Variants in LRRC61 observed in about 807,000 individuals in gnomAD.
The protein encoded by LRRC61 is leucine rich repeat containing 61, also known as leucine-rich repeat-containing protein 61.
Under a neutral mutation model 15.1 loss-of-function variants are expected in LRRC61, and 9 were observed. The observed-to-expected ratio is 0.60, with a 90% CI of 0.36 to 1.04. LRRC61 has a LOEUF of 1.04. Among genes scored for constraint, LRRC61 ranks in the 50% least tolerant of loss-of-function variants. The pLI is 0.01. For synonymous variants in LRRC61, 173 were observed against 158.6 expected (o/e 1.09, Z -0.68); for missense variants, 344 against 335.6 (o/e 1.03, Z -0.20).
chr7:150,319,830 C>T (rs890163082), upstream of LRRC61, among the ~76,000 whole-genome samples: 2 of 152,130 alleles, frequency 1.3e-5, no homozygotes, highest in African/African-American at 4.8e-5. Flanking sequence ...AACAGGGATG[C>T]TGTATCTGGA....
At chr7:150,322,539 T>C (rs2108852), upstream of LRRC61, 38,569 of 151,920 alleles carry the variant, frequency 0.25, 5,062 homozygotes, top group East Asian at 0.42. Flanking sequence ...CATGAAATAC[T>C]CTATATGGTC....
the LRRC61 span, among the ~76,000 whole-genome samples, chr7:150,313,640 G>T: frequency 4.4e-4 from 67 of 152,298 alleles, no homozygotes; most frequent in African/African-American, 1.5e-3. Flanking sequence ...GTCTGAACCA[G>T]TTTTTTTCAC....
At chr7:150,334,177 A>G in intron 2 of LRRC61, 1 of 942,710 alleles carries the variant, frequency 1.1e-6, no homozygotes, top group Non-Finnish European at 1.3e-6. Flanking sequence ...CTAAAAAGCC[A>G]CTGACCCAGT....
At chr7:150,313,742 A>G in the LRRC61 span, among the ~76,000 whole-genome samples, 1 of 152,148 alleles carries the variant, frequency 6.6e-6, no homozygotes, top group Non-Finnish European at 1.5e-5. Context: ...TTAGCTAGAA[A>G]GAGGGAGAGA....
At position 150,333,733 on chromosome 7, in the gene LRRC61, C is replaced by T. The variant is rs576968740; in HGVS notation, c.-144-2985C>T. Among the ~76,000 whole-genome samples, 1 of 152,324 alleles carries T rather than the reference C, an allele frequency of 6.6e-6. No individual in the cohort carries two copies. Among genetic ancestry groups the T allele is most frequent in the East Asian group, 1.9e-4 (1 of 5,184 alleles). On this transcript the variant is annotated intron_variant, in intron 2 of 2. Coordinates refer to ENST00000359623, the MANE Select transcript of LRRC61 (RefSeq NM_001142928.2). This position sits in a 1 kb window ranked among gnomAD's most constrained non-coding sequence, Gnocchi z 4.3. Reference sequence around the variant, plus strand: ...ATTTCCATAGTTAGGACAAGGACGGCTCCTTCTGGAGGAGTGCTGAAGCAG... The same window carrying T: ...ATTTCCATAGTTAGGACAAGGACGGTTCCTTCTGGAGGAGTGCTGAAGCAG...
upstream of LRRC61, among the ~76,000 whole-genome samples, chr7:150,319,355 G>A (rs1389954182): frequency 6.6e-6 from 1 of 152,128 alleles, no homozygotes; most frequent in Non-Finnish European, 1.5e-5. Context: ...TTACAGGCAT[G>A]CACCACCATG....
At chr7:150,316,735 C>T in the LRRC61 span, among the ~76,000 whole-genome samples, 2 of 152,110 alleles carry the variant, frequency 1.3e-5, no homozygotes, top group African/African-American at 4.8e-5. Context: ...CTGCCCACTT[C>T]GGCCTTCCGA....
intron 1 of LRRC61, among the ~76,000 whole-genome samples, chr7:150,324,990 G>C (rs552291353): frequency 2.6e-5 from 4 of 152,148 alleles, no homozygotes; most frequent in Non-Finnish European, 5.9e-5. Flanking sequence ...TCACCTTTGA[G>C]ATCTGCTCAT....
upstream of LRRC61, among the ~76,000 whole-genome samples, chr7:150,321,332 T>G (rs1286540834): frequency 6.6e-6 from 1 of 152,252 alleles, no homozygotes; most frequent in Non-Finnish European, 1.5e-5. Context: ...ATAATTTTTC[T>G]TTTAGTGCCA....
intron 2 of LRRC61, chr7:150,331,001 T>G: frequency 6.2e-7 from 1 of 1,611,742 alleles, no homozygotes; most frequent in East Asian, 2.2e-5. Flanking sequence ...TCAAGAAGTA[T>G]CTGTGGGAGA....
intron 2 of LRRC61, among the ~76,000 whole-genome samples, chr7:150,326,608 CA>C (rs1318669492): frequency 2.6e-5 from 4 of 151,006 alleles, no homozygotes; most frequent in Non-Finnish European, 5.9e-5. Flanking sequence ...TACTTGAGCC[CA>C]GGAGGCAGAG....
At chr7:150,322,720 T>G (rs930052153), upstream of LRRC61, 1 of 152,250 alleles carries the variant, frequency 6.6e-6, no homozygotes. Flanking sequence ...TTCTTTGCTT[T>G]CTTAATAAAC....
chr7:150,328,298 T>C (rs976768061), intron 2 of LRRC61, among the ~76,000 whole-genome samples: 2 of 152,248 alleles, frequency 1.3e-5, no homozygotes, highest in Admixed American at 6.5e-5. Context: ...CCCAAACTCA[T>C]GTTTTACATC....
At chr7:150,319,608 A>T (rs11983355), upstream of LRRC61, among the ~76,000 whole-genome samples, 1 of 152,050 alleles carries the variant, frequency 6.6e-6, no homozygotes, top group African/African-American at 2.4e-5. Context: ...GGTGCCTTTG[A>T]CTTTGGGAAG....
chr7:150,337,656 C>A lies in LRRC61; in HGVS notation c.*15C>A, dbSNP rs1014677966. Reference sequence around the variant, plus strand: ...TCGTCTTCTGAACGTGGCCTATGGCCCAGGACAGCCTGGCAGGTGGCCTCG... The same window carrying A: ...TCGTCTTCTGAACGTGGCCTATGGCACAGGACAGCCTGGCAGGTGGCCTCG... On this transcript the variant is annotated 3_prime_UTR_variant, in exon 3 of 3. Coordinates refer to ENST00000359623, the MANE Select transcript of LRRC61 (RefSeq NM_001142928.2). 6.6e-6 allele frequency: 10 copies of A among 1,518,718 alleles called. No homozygotes were observed. In the African/African-American group the frequency reaches 1.4e-4, roughly 21 times the overall value. The allele number at this position is 1,518,718 out of a possible 1,614,324, so 94.1% of individuals were successfully genotyped here.
the LRRC61 span, among the ~76,000 whole-genome samples, chr7:150,312,067 C>T: frequency 3.3e-5 from 5 of 152,202 alleles, no homozygotes; most frequent in East Asian, 1.9e-4. Flanking sequence ...CAGAAACCAA[C>T]GGATCTTATT....
the LRRC61 span, among the ~76,000 whole-genome samples, chr7:150,313,350 T>G: frequency 3.6e-4 from 55 of 152,282 alleles, no homozygotes; most frequent in African/African-American, 1.3e-3. Flanking sequence ...TAGGTAGATT[T>G]TAAAGTTTCT....
In LRRC61 at chr7:150,333,834, C is replaced by T. The variant is rs1030350852; in HGVS notation, c.-144-2884C>T. On this transcript the variant is annotated intron_variant, in intron 2 of 2. Coordinates refer to ENST00000359623, the MANE Select transcript of LRRC61 (RefSeq NM_001142928.2). The surrounding 1 kb of genome is among the most constrained non-coding windows in gnomAD (Gnocchi z 4.3). ...TAGTTGGGTCTGCACAGGTGGGCGCCGGCTGGTTCTCAGTCCTACTGGGCT... is the reference window on the plus strand; with the variant it reads ...TAGTTGGGTCTGCACAGGTGGGCGCTGGCTGGTTCTCAGTCCTACTGGGCT... The T allele has an allele frequency of 4.4e-5, 41 of 941,072 alleles. No individual in the cohort carries two copies. The highest frequency in any genetic ancestry group is 2.5e-4 in the African/African-American group (14 of 56,196). 58.3% of individuals were successfully genotyped at this position (941,072 alleles called of 1,614,324 possible). A position where few individuals can be genotyped will look rare whatever the true frequency, so the allele number is the denominator to read the frequency against.
At chr7:150,319,458 C>T (rs947913375), upstream of LRRC61, among the ~76,000 whole-genome samples, 3 of 152,154 alleles carry the variant, frequency 2.0e-5, no homozygotes, top group Admixed American at 6.5e-5. Context: ...TTGCCTGCCT[C>T]GGCCTCCCAA....
Sources: gnomAD v4.1 joint callset for allele counts (sites outside exome capture counted in the v4.1 genomes callset) on GRCh38, gnomAD v4.1.1 for gene constraint, Gnocchi (gnomAD v3.1) non-coding constraint, MANE v1.5 for transcripts, NCBI Gene and HGNC (gene_info 2026-07-23, HGNC 2026-07-21) for gene names.